ATP10B: variants seen among roughly 807,000 people sequenced by gnomAD.
ATP10B encodes the protein phospholipid-transporting ATPase VB.
Under a neutral mutation model 141.2 loss-of-function variants are expected in ATP10B, and 122 were observed. That is an observed-to-expected ratio of 0.86 (90% CI 0.75 to 1.00). ATP10B has a LOEUF of 1.00. Among genes scored for constraint, ATP10B ranks in the 50% least tolerant of loss-of-function variants. The pLI is 0.00. For missense variants in ATP10B, 1,876 were observed against 1,825.3 expected (o/e 1.03, Z -0.51); for synonymous variants, 685 against 692.0 (o/e 0.99, Z 0.16).
At chr5:160,653,282 G>C (rs867363603) in intron 7 of ATP10B, among the ~76,000 whole-genome samples, 66 of 120,866 alleles carry the variant, frequency 5.5e-4, no homozygotes, top group Admixed American at 1.2e-3. Flanking sequence ...TACATACATA[G>C]GTAGTATATA....
intron 1 of ATP10B, among the ~76,000 whole-genome samples, chr5:160,817,185 T>TACA (rs1773701704): frequency 6.6e-6 from 1 of 152,166 alleles, no homozygotes; most frequent in African/African-American, 2.4e-5. Context: ...ATAAAGGGTA[T>TACA]ACAATTAGGA....
At chr5:160,814,531 G>A (rs1773443807) in intron 1 of ATP10B, among the ~76,000 whole-genome samples, 2 of 147,758 alleles carry the variant, frequency 1.4e-5, no homozygotes, top group Admixed American at 6.8e-5. Context: ...AAAGTGACGG[G>A]GAGAACGGAC....
intron 9 of ATP10B, among the ~76,000 whole-genome samples, chr5:160,641,926 G>A (rs1324933293): frequency 1.3e-5 from 2 of 152,222 alleles, no homozygotes; most frequent in Non-Finnish European, 2.9e-5. Context: ...GTTGTGAGCA[G>A]GGGTTCCAGC....
chr5:160,839,624 G>A (rs113670537), intron 1 of ATP10B, among the ~76,000 whole-genome samples: 2 of 151,988 alleles, frequency 1.3e-5, no homozygotes, highest in African/African-American at 4.8e-5. Flanking sequence ...TAAGATGAGA[G>A]GCTTGGCAGT....
In ATP10B at chr5:160,688,121, G is replaced by A. The variant is rs141131426; in HGVS notation, c.-20-27C>T. The A allele has an allele frequency of 1.3e-4, 200 of 1,586,222 alleles. No individual in the cohort carries two copies. The African/African-American group carries it at 2.4e-3, about 19-fold the overall frequency. Reference sequence around the variant, plus strand: ...TGAAAACAGACACAGGAGGAGCTATGTTTAGGAGAAACGTGCAGCATGTTG... The same window carrying A: ...TGAAAACAGACACAGGAGGAGCTATATTTAGGAGAAACGTGCAGCATGTTG... On this transcript the variant is annotated intron_variant, in intron 4 of 25. Coordinates refer to ENST00000327245, the MANE Select transcript of ATP10B (RefSeq NM_025153.3).
At chr5:160,837,998 CT>C (rs1257627367) in intron 1 of ATP10B, among the ~76,000 whole-genome samples, 1 of 152,164 alleles carries the variant, frequency 6.6e-6, no homozygotes, top group Non-Finnish European at 1.5e-5. Flanking sequence ...TAGGCAATCT[CT>C]TACTCATAAA....
intron 18 of ATP10B, among the ~76,000 whole-genome samples, chr5:160,608,379 G>A (rs548500778): frequency 1.4e-4 from 21 of 152,156 alleles, no homozygotes; most frequent in Middle Eastern, 3.4e-3. Flanking sequence ...GAATAGTGCC[G>A]CAATAAACAT....
At chr5:160,597,807 T>A (rs1756817502) in intron 22 of ATP10B, among the ~76,000 whole-genome samples, 1 of 152,166 alleles carries the variant, frequency 6.6e-6, no homozygotes, top group African/African-American at 2.4e-5. Flanking sequence ...TCACCATGAC[T>A]GGCTATCAGA....
At chr5:160,638,523 C>T (rs1363742272) in intron 10 of ATP10B, among the ~76,000 whole-genome samples, 1 of 152,028 alleles carries the variant, frequency 6.6e-6, no homozygotes, top group African/African-American at 2.4e-5. Context: ...GCTTCCCCTC[C>T]CCCAGGTGCT....
chr5:160,844,415 A>T (rs1381343166), intron 1 of ATP10B, among the ~76,000 whole-genome samples: 1 of 152,192 alleles, frequency 6.6e-6, no homozygotes, highest in Non-Finnish European at 1.5e-5. Context: ...AATGAATCTC[A>T]TAATGAGATT....
chr5:160,873,864 C>T, the ATP10B span, among the ~76,000 whole-genome samples: 1 of 152,252 alleles, frequency 6.6e-6, no homozygotes, highest in African/African-American at 2.4e-5. Flanking sequence ...TTATATCCCA[C>T]ACCTGGCTCG....
chr5:160,924,590 TGCA>T, the ATP10B span, among the ~76,000 whole-genome samples: 1 of 152,188 alleles, frequency 6.6e-6, no homozygotes, highest in Admixed American at 6.5e-5. Context: ...GTGCTGGGAT[TGCA>T]GCAGAAGCCA....
At chr5:160,910,092 T>TCC in the ATP10B span, among the ~76,000 whole-genome samples, 2 of 152,090 alleles carry the variant, frequency 1.3e-5, no homozygotes, top group Non-Finnish European at 2.9e-5. Context: ...TCTCTCCTTA[T>TCC]CCCGCCCCTC....
At chr5:160,616,293 G>C (rs1318468778) in intron 16 of ATP10B, among the ~76,000 whole-genome samples, 1 of 152,140 alleles carries the variant, frequency 6.6e-6, no homozygotes, top group Non-Finnish European at 1.5e-5. Context: ...GGGAATGCTA[G>C]GTAGTAAATG....
intron 1 of ATP10B, among the ~76,000 whole-genome samples, chr5:160,826,534 G>C (rs1383441859): frequency 2.0e-5 from 3 of 152,070 alleles, no homozygotes; most frequent in Non-Finnish European, 4.4e-5. Flanking sequence ...ATATGTGTTT[G>C]AATATGAAAT....
intron 1 of ATP10B, among the ~76,000 whole-genome samples, chr5:160,786,895 A>T (rs1771195664): frequency 6.6e-6 from 1 of 152,062 alleles, no homozygotes; most frequent in South Asian, 2.1e-4. Flanking sequence ...AACTAAGTCA[A>T]TGGACAGCCT....
At chr5:160,889,276 C>A in the ATP10B span, among the ~76,000 whole-genome samples, 8 of 152,142 alleles carry the variant, frequency 5.3e-5, no homozygotes, top group Non-Finnish European at 5.9e-5. Flanking sequence ...TTAACCTCTA[C>A]CAGGGCAGTC....
At chr5:160,789,161 A>G (rs1434675966) in intron 1 of ATP10B, among the ~76,000 whole-genome samples, 2 of 152,164 alleles carry the variant, frequency 1.3e-5, no homozygotes, top group East Asian at 3.9e-4. Context: ...AATTGATTCA[A>G]GTAGAGGCAT....
chr5:160,565,347 A>C lies in ATP10B; in HGVS notation c.*106T>G, dbSNP rs992909233. ...GGAAGTCAAGGTTGTTGAAGAAAAG[A>C]ATAAGACTGGCACATTGTTTCCTCT... On this transcript the variant is annotated 3_prime_UTR_variant, in exon 26 of 26. Transcript: ENST00000327245. 2.6e-5 allele frequency: 31 copies of C among 1,197,608 alleles called. No homozygotes were observed. The African/African-American group carries it at 3.9e-4, about 15-fold the overall frequency. 74.2% of individuals were successfully genotyped at this position (1,197,608 alleles called of 1,614,324 possible).
Sources: gnomAD v4.1 joint callset for allele counts (sites outside exome capture counted in the v4.1 genomes callset) on GRCh38, gnomAD v4.1.1 for gene constraint, MANE v1.5 for transcripts, NCBI Gene and HGNC (gene_info 2026-07-23, HGNC 2026-07-21) for gene names.